TRPC5: variants seen among roughly 807,000 people sequenced by gnomAD.
TRPC5 encodes transient receptor potential cation channel subfamily C member 5.
A neutral mutation model predicts 56.5 loss-of-function variants in TRPC5; 9 were observed. The observed-to-expected ratio is 0.16, with a 90% CI of 0.10 to 0.28. The LOEUF is 0.28. TRPC5 is among the 10% of genes least tolerant of loss of function. The probability of loss-of-function intolerance (pLI) is 1.00; values close to 1 mark genes in which losing one functional copy is unlikely to be tolerated. For missense variants in TRPC5, 469 were observed against 748.9 expected (o/e 0.63, Z 4.36); for synonymous variants, 282 against 278.5 (o/e 1.01, Z -0.13).
Position 111,976,751 on chromosome X carries a change from C to CA in TRPC5, c.-21-24311dup, listed in dbSNP as rs1373175514. On this transcript the variant is annotated intron_variant, in intron 1 of 10. Transcript: ENST00000262839. ...TAGAAAACCCTACAGAATTCACACACAAAAAACTGTTAGCACTAATAAATA... is the reference window on the plus strand; with the variant it reads ...TAGAAAACCCTACAGAATTCACACACAAAAAAACTGTTAGCACTAATAAATA... Among the ~76,000 whole-genome samples the CA allele has an allele frequency of 1.5e-4, 17 of 110,460 alleles. No individual in the cohort carries two copies. The Admixed American group carries it at 1.5e-3, about 10-fold the overall frequency.
At chrX:111,820,435 A>G (rs1003579410) in intron 7 of TRPC5, among the ~76,000 whole-genome samples, 1 of 112,183 alleles carries the variant, frequency 8.9e-6, no homozygotes, top group Non-Finnish European at 1.9e-5. Context: ...CTGGTTTTGT[A>G]TTGCCCATGA....
rs762507010 is a variant in TRPC5, at chrX:111,910,654, C to G, written c.900+1637G>C. Among the ~76,000 whole-genome samples the G allele has an allele frequency of 1.2e-3, 134 of 112,112 alleles. 1 individual carries two copies. The highest frequency in any genetic ancestry group is 4.1e-3 in the African/African-American group (127 of 30,866). ...TCAAGCGATTCTCGTGTCTCAGCCT[C>G]TGGAGTAGCTGGGATTACATGCACC... On this transcript the variant is annotated intron_variant, in intron 3 of 10. Transcript: ENST00000262839.
intron 1 of TRPC5, among the ~76,000 whole-genome samples, chrX:111,983,081 C>A (rs976237733): frequency 7.2e-5 from 8 of 111,803 alleles, no homozygotes; most frequent in Non-Finnish European, 7.5e-5. Context: ...AATTCCATGA[C>A]CATGGACTCA....
chrX:111,964,656 T>A (rs1377242040), intron 1 of TRPC5, among the ~76,000 whole-genome samples: 11 of 111,811 alleles, frequency 9.8e-5, no homozygotes, highest in African/African-American at 3.6e-4. Flanking sequence ...CAGAAGAGAG[T>A]GGGGGCCAAT....
At chrX:111,973,764 A>C (rs931014893) in intron 1 of TRPC5, among the ~76,000 whole-genome samples, 15 of 112,556 alleles carry the variant, frequency 1.3e-4, no homozygotes, top group African/African-American at 4.8e-4. Context: ...TTAGAAACAA[A>C]GTAATAATGA....
intron 7 of TRPC5, among the ~76,000 whole-genome samples, chrX:111,799,892 C>T (rs1921248408): frequency 8.9e-6 from 1 of 111,903 alleles, no homozygotes; most frequent in African/African-American, 3.2e-5. Flanking sequence ...TGCTTCTGAA[C>T]CAGTGACAGA....
chrX:112,040,916 A>G lies in TRPC5; in HGVS notation c.-22+40963T>C, dbSNP rs144038821. On this transcript the variant is annotated intron_variant, in intron 1 of 10. Coordinates refer to ENST00000262839, the MANE Select transcript of TRPC5 (RefSeq NM_012471.3). ...GAATGGAGCAGTGAAACAAGTAAGC[A>G]CGTGTTAAAGACAACATTATCACAT... Among the ~76,000 whole-genome samples the G allele has an allele frequency of 7.1e-5, 8 of 112,296 alleles. No homozygotes were observed. In the East Asian group the frequency reaches 2.2e-3, roughly 31 times the overall value.
chrX:111,905,559 A>G lies in TRPC5; in HGVS notation c.900+6732T>C, dbSNP rs761828575. Reference sequence around the variant, plus strand: ...ATGAAGGTTGGAACTGCATTTTACAAGATAAGGAAAATCACTGAAGTCTTA... The same window carrying G: ...ATGAAGGTTGGAACTGCATTTTACAGGATAAGGAAAATCACTGAAGTCTTA... On this transcript the variant is annotated intron_variant, in intron 3 of 10. Coordinates refer to ENST00000262839, the MANE Select transcript of TRPC5 (RefSeq NM_012471.3). Among the ~76,000 whole-genome samples, 8 of 112,127 alleles carry G rather than the reference A, an allele frequency of 7.1e-5. No individual in the cohort carries two copies. In the South Asian group the frequency reaches 3.0e-3, roughly 41 times the overall value.
At chrX:111,914,412 T>G (rs763744417) in intron 2 of TRPC5, among the ~76,000 whole-genome samples, 1 of 112,201 alleles carries the variant, frequency 8.9e-6, no homozygotes, top group Non-Finnish European at 1.9e-5. Flanking sequence ...CCACAGTTAC[T>G]GGCGAACTGA....
chrX:111,950,472 G>C (rs751649072), intron 2 of TRPC5, among the ~76,000 whole-genome samples: 2 of 112,051 alleles, frequency 1.8e-5, no homozygotes, highest in Admixed American at 9.4e-5. Context: ...GGATGCAAAG[G>C]CATAAGAATG....
intron 1 of TRPC5, among the ~76,000 whole-genome samples, chrX:111,985,365 C>G (rs143858446): frequency 0.025 from 2,828 of 111,902 alleles, 42 homozygotes; most frequent in Middle Eastern, 0.042. Context: ...CCTCCATAAC[C>G]CCCTACTGTG....
intron 7 of TRPC5, among the ~76,000 whole-genome samples, chrX:111,812,975 T>C (rs1921755970): frequency 8.9e-6 from 1 of 112,280 alleles, no homozygotes; most frequent in Admixed American, 9.5e-5. Flanking sequence ...CAATAAATTT[T>C]CATTTATTTT....
intron 7 of TRPC5, among the ~76,000 whole-genome samples, chrX:111,832,522 A>G (rs192984998): frequency 1.1e-3 from 124 of 112,349 alleles, no homozygotes; most frequent in African/African-American, 3.8e-3. Flanking sequence ...GAGATGTTGC[A>G]AATGAAATTA....
rs1169340398 is a variant in TRPC5, at chrX:112,035,089, TAAA to T, written c.-22+46787_-22+46789del. ...ATTTGAAGTTTTCCTTTTTTTTTTT[TAAA>T]AAAAAAAAAATGTAAGAGCTTAGAG... is the stretch of plus-strand genomic sequence containing the variant. On this transcript the variant is annotated intron_variant, in intron 1 of 10. Coordinates refer to ENST00000262839, the MANE Select transcript of TRPC5 (RefSeq NM_012471.3). 7.2e-3 allele frequency among the ~76,000 whole-genome samples: 710 copies of T among 99,127 alleles called. 14 individuals carry two copies. Among genetic ancestry groups the T allele is most frequent in the African/African-American group, 0.025 (656 of 26,511 alleles). 86.1% of individuals were successfully genotyped at this position (99,127 alleles called of 115,157 possible).
intron 1 of TRPC5, among the ~76,000 whole-genome samples, chrX:112,050,663 C>T (rs1930191926): frequency 8.9e-6 from 1 of 112,220 alleles, no homozygotes; most frequent in South Asian, 3.7e-4. Flanking sequence ...CACAGGTCTC[C>T]CACCTGCCAG....
chrX:111,849,903 T>C (rs1203828109), intron 5 of TRPC5, among the ~76,000 whole-genome samples: 1 of 112,029 alleles, frequency 8.9e-6, no homozygotes, highest in East Asian at 2.8e-4. Context: ...TTAGTTGTTG[T>C]TGGAGGCAAA....
At chrX:111,982,711 G>A (rs936692748) in intron 1 of TRPC5, among the ~76,000 whole-genome samples, 2 of 111,382 alleles carry the variant, frequency 1.8e-5, no homozygotes, top group African/African-American at 6.5e-5. Flanking sequence ...CAATGGAGTT[G>A]TTGTTATGTC....
Position 111,772,075 on chromosome X carries a change from C to T in TRPC5, c.*4238G>A, listed in dbSNP as rs190666209. On this transcript the variant is annotated 3_prime_UTR_variant, in exon 11 of 11. Transcript: ENST00000262839. The stretch of plus-strand genomic sequence containing the variant: ...CTCAAAAGGCAAAGCAAGCCAAAAC[C>T]CACATCTGTTGGAAAAAAAGTTACT... Among the ~76,000 whole-genome samples the T allele has an allele frequency of 1.0e-3, 113 of 111,318 alleles. 1 individual carries two copies. The South Asian group carries it at 0.016, about 16-fold the overall frequency.
intron 5 of TRPC5, among the ~76,000 whole-genome samples, chrX:111,852,041 G>A (rs373049238): frequency 5.4e-5 from 6 of 112,116 alleles, no homozygotes; most frequent in African/African-American, 1.9e-4. Context: ...TTTAAACACC[G>A]AAAGCTGAAG....
Sources: gnomAD v4.1 joint callset for allele counts (sites outside exome capture counted in the v4.1 genomes callset) on GRCh38, gnomAD v4.1.1 for gene constraint, MANE v1.5 for transcripts, NCBI Gene and HGNC (gene_info 2026-07-23, HGNC 2026-07-21) for gene names.